TBXAS1: variants seen among roughly 807,000 people sequenced by gnomAD.
TBXAS1 encodes thromboxane A synthase 1, also known as thromboxane-A synthase.
A neutral mutation model predicts 60.7 loss-of-function variants in TBXAS1; 48 were observed. The observed-to-expected ratio is 0.79, with a 90% CI of 0.63 to 1.01. TBXAS1 has a LOEUF of 1.01. TBXAS1 is among the 50% of genes least tolerant of loss of function. The probability of loss-of-function intolerance (pLI) is 0.00; values close to 1 mark genes in which losing one functional copy is unlikely to be tolerated. For synonymous variants in TBXAS1, 287 were observed against 269.7 expected (o/e 1.06, Z -0.63); for missense variants, 685 against 686.3 (o/e 1.00, Z 0.02).
At chr7:139,818,716 G>A (rs1187055597) in intron 4 of TBXAS1, among the ~76,000 whole-genome samples, 1 of 152,170 alleles carries the variant, frequency 6.6e-6, no homozygotes, top group African/African-American at 2.4e-5. Context: ...TTGTTCATTG[G>A]AGTGTGGAGA....
intron 9 of TBXAS1, among the ~76,000 whole-genome samples, chr7:139,979,726 TCAATAA>T (rs1569521780): frequency 1.3e-5 from 1 of 79,350 alleles, no homozygotes; most frequent in Non-Finnish European, 2.5e-5. Flanking sequence ...AGATTCCATC[TCAATAA>T]TAATAATAAT....
chr7:139,837,706 G>A (rs1346431626), intron 1 of TBXAS1, among the ~76,000 whole-genome samples: 1 of 152,158 alleles, frequency 6.6e-6, no homozygotes, highest in African/African-American at 2.4e-5. Context: ...CAAATATGGT[G>A]CAGTGTGTAC....
chr7:139,952,647 G>T, intron 5 of TBXAS1: 1 of 1,537,072 alleles, frequency 6.5e-7, no homozygotes, highest in Non-Finnish European at 8.7e-7. Context: ...GAAGCCGAGT[G>T]GTATCTATGT....
At position 139,962,071 on chromosome 7, in the gene TBXAS1, GCCTTTGACT is replaced by G. The variant is rs1810406614; in HGVS notation, c.973_981del (p.Pro325_Thr327del). The G allele has an allele frequency of 6.2e-7, 1 of 1,614,208 alleles. No individual in the cohort carries two copies. On this transcript the variant is annotated inframe_deletion, in exon 9 of 13. Transcript: ENST00000448866. ...AACACCAGCCCAGCCCTATGGCCAG[GCCTTTGACT>G]GTGGATGAGATTGTGGGCCAGGCCT...
At chr7:139,880,322 C>T (rs556362046) in intron 3 of TBXAS1, among the ~76,000 whole-genome samples, 13 of 152,278 alleles carry the variant, frequency 8.5e-5, no homozygotes, top group African/African-American at 3.1e-4. Context: ...TCCTGGCATC[C>T]ATCAGCTATG....
At chr7:139,935,536 T>C (rs182579741) in intron 4 of TBXAS1, among the ~76,000 whole-genome samples, 57 of 152,218 alleles carry the variant, frequency 3.7e-4, no homozygotes, top group African/African-American at 1.3e-3. Context: ...ATATGAAGTT[T>C]GGGGTGGGGG....
chr7:139,986,787 G>A (rs1382679796), intron 9 of TBXAS1, among the ~76,000 whole-genome samples: 2 of 86,322 alleles, frequency 2.3e-5, no homozygotes, highest in African/African-American at 9.4e-5. Context: ...GTGTGTGTGT[G>A]TGTGTGTGTG....
intron 3 of TBXAS1, among the ~76,000 whole-genome samples, chr7:139,885,918 C>T (rs796979104): frequency 2.6e-5 from 4 of 152,214 alleles, no homozygotes; most frequent in Non-Finnish European, 5.9e-5. Flanking sequence ...ACCGCATACA[C>T]GTTTGAAATT....
Position 140,004,259 on chromosome 7 carries a change from G to A in TBXAS1, c.1135-2832G>A, listed in dbSNP as rs1032845065. On this transcript the variant is annotated intron_variant, in intron 9 of 12. Coordinates refer to ENST00000448866, the MANE Select transcript of TBXAS1 (RefSeq NM_001061.7). This position sits in a 1 kb window ranked among gnomAD's most constrained non-coding sequence, Gnocchi z 5.1. ...GTAGCCTTTATTCCCAAAGCAGGGG[G>A]ACGTGTCCATCGTGGTACTCAGCGA... is the stretch of plus-strand genomic sequence containing the variant. Among the ~76,000 whole-genome samples, 6 of 152,234 alleles carry A rather than the reference G, an allele frequency of 3.9e-5. No individual in the cohort carries two copies. Among genetic ancestry groups the A allele is most frequent in the Non-Finnish European group, 5.9e-5 (4 of 68,046 alleles).
intron 3 of TBXAS1, among the ~76,000 whole-genome samples, chr7:139,890,314 C>G (rs1803488329): frequency 6.9e-6 from 1 of 144,336 alleles, no homozygotes; most frequent in Non-Finnish European, 1.5e-5. Context: ...CTTCCGGGTT[C>G]ACACCATTCT....
chr7:139,893,174 C>T (rs1803778770), intron 3 of TBXAS1, among the ~76,000 whole-genome samples: 1 of 152,152 alleles, frequency 6.6e-6, no homozygotes, highest in African/African-American at 2.4e-5. Context: ...TGGCACTGGG[C>T]TTCCTCCCCT....
intron 5 of TBXAS1, among the ~76,000 whole-genome samples, chr7:139,944,169 C>G (rs1403102170): frequency 6.6e-6 from 1 of 152,148 alleles, no homozygotes; most frequent in Non-Finnish European, 1.5e-5. Context: ...CATCAGAAGC[C>G]ACTTTGGCAG....
chr7:139,799,259 T>C (rs1368323784), intron 4 of TBXAS1, among the ~76,000 whole-genome samples: 1 of 149,342 alleles, frequency 6.7e-6, no homozygotes. Context: ...TGAGACAGTC[T>C]CACTTTGTTG....
intron 1 of TBXAS1, among the ~76,000 whole-genome samples, chr7:139,779,111 A>G (rs1670701494): frequency 6.6e-6 from 1 of 152,190 alleles, no homozygotes; most frequent in Non-Finnish European, 1.5e-5. Flanking sequence ...CATGATGTCA[A>G]TTTTATTTCC....
intron 1 of TBXAS1, among the ~76,000 whole-genome samples, chr7:139,853,684 T>A (rs1800383829): frequency 6.6e-6 from 1 of 152,156 alleles, no homozygotes; most frequent in Admixed American, 6.5e-5. Flanking sequence ...CTGTTGGGGT[T>A]CACCGGAGGC....
At chr7:140,017,886 C>T in intron 12 of TBXAS1, 53 bp downstream of exon 12, 1 of 1,612,982 alleles carries the variant, frequency 6.2e-7, no homozygotes. Context: ...GGAGGGCCAC[C>T]CCAGTTCTCT....
At chr7:139,815,600 T>C (rs1798126292) in intron 4 of TBXAS1, among the ~76,000 whole-genome samples, 1 of 152,224 alleles carries the variant, frequency 6.6e-6, no homozygotes, top group African/African-American at 2.4e-5. Context: ...ACACCTTATG[T>C]TACCTCATCT....
intron 9 of TBXAS1, 85 bp from the exon 10 acceptor site, chr7:140,007,006 C>T (rs547298369): frequency 8.4e-5 from 111 of 1,321,142 alleles, no homozygotes; most frequent in Middle Eastern, 3.6e-4. Context: ...AAGTTGGAAA[C>T]GAGATTGAAA....
intron 9 of TBXAS1, among the ~76,000 whole-genome samples, chr7:139,986,868 A>G (rs1812531962): frequency 6.7e-6 from 1 of 148,712 alleles, no homozygotes; most frequent in Non-Finnish European, 1.5e-5. Context: ...CTGGTTCCAC[A>G]TTTTTGCAAT....
Sources: gnomAD v4.1 joint callset for allele counts (sites outside exome capture counted in the v4.1 genomes callset) on GRCh38, gnomAD v4.1.1 for gene constraint, Gnocchi (gnomAD v3.1) non-coding constraint, MANE v1.5 for transcripts, NCBI Gene and HGNC (gene_info 2026-07-23, HGNC 2026-07-21) for gene names.